The following GPI variants were observed in gnomAD, a reference collection of about 807,000 sequenced individuals.
GPI encodes the protein glucose-6-phosphate isomerase.
Under a neutral mutation model 75.8 loss-of-function variants are expected in GPI, and 56 were observed. The ratio of observed to expected loss-of-function variants is 0.74; its 90% CI spans 0.60 to 0.92. GPI has a LOEUF of 0.92. Among genes scored for constraint, GPI ranks in the 40% least tolerant of loss-of-function variants. The probability of loss-of-function intolerance (pLI) is 0.00; values close to 1 mark genes in which losing one functional copy is unlikely to be tolerated. For missense variants in GPI, 638 were observed against 741.0 expected, an observed-to-expected ratio of 0.86 and a Z score of 1.61; for synonymous variants, 288 against 285.4, an observed-to-expected ratio of 1.01 and a Z score of -0.09.
At chr19:34,360,428 A>G (rs553946312), upstream of GPI, among the ~76,000 whole-genome samples, 1 of 152,268 alleles carries the variant, frequency 6.6e-6, no homozygotes, top group Admixed American at 6.5e-5. Context: ...CTCAGTCTCT[A>G]CAAATAATAA....
At chr19:34,361,161 G>C (rs1367352594), upstream of GPI, among the ~76,000 whole-genome samples, 2 of 151,808 alleles carry the variant, frequency 1.3e-5, no homozygotes, top group African/African-American at 2.4e-5. Flanking sequence ...GCATGATTCA[G>C]CTCACTGTAA....
At chr19:34,376,110 G>A (rs1380445935) in intron 4 of GPI, among the ~76,000 whole-genome samples, 1 of 152,176 alleles carries the variant, frequency 6.6e-6, no homozygotes, top group African/African-American at 2.4e-5. Context: ...GGTGAGTGTG[G>A]CAGGGACCAG....
intron 7 of GPI, 129 bp downstream of exon 7, chr19:34,379,134 G>GC (rs1307051832): frequency 8.4e-5 from 68 of 805,236 alleles, no homozygotes; most frequent in East Asian, 2.5e-5. Flanking sequence ...GCCGGTGCCT[G>GC]CCTTTGCTAG....
At chr19:34,366,271 C>G in intron 1 of GPI, 74 bp from the exon 2 acceptor site, 1 of 964,822 alleles carries the variant, frequency 1.0e-6, no homozygotes, top group Non-Finnish European at 1.7e-6. Flanking sequence ...CTTCTGGGAA[C>G]AGCTCCTGCT....
At chr19:34,383,315 A>G (rs2074683750) in intron 9 of GPI, among the ~76,000 whole-genome samples, 1 of 152,180 alleles carries the variant, frequency 6.6e-6, no homozygotes, top group Non-Finnish European at 1.5e-5. Flanking sequence ...TGTGAATTCC[A>G]GAGGAGAGGC....
rs2074994378 is a variant in GPI, at chr19:34,399,706, G to A, written c.1475-13G>A. The stretch of plus-strand genomic sequence containing the variant: ...TGTGGAGCCCTGATGTGCCCTGTCT[G>A]TCACTTCTGCAGCCATGTATGAGCA... On this transcript the variant is annotated splice_polypyrimidine_tract_variant and intron_variant, in intron 16 of 17. Coordinates refer to ENST00000356487, the MANE Select transcript of GPI (RefSeq NM_000175.5). 3.7e-6 allele frequency: 6 copies of A among 1,614,098 alleles called. No homozygotes were observed. In the South Asian group the frequency reaches 6.6e-5, roughly 18 times the overall value.
chr19:34,365,606 G>A (rs1322308195), intron 1 of GPI: 2 of 788,262 alleles, frequency 2.5e-6, no homozygotes, highest in East Asian at 5.8e-5. Flanking sequence ...TCGGCCCCGG[G>A]TCTGCTTCGT....
intron 8 of GPI, 53 bp from the exon 9 acceptor site, chr19:34,381,413 C>A (rs1305737733): frequency 8.2e-7 from 1 of 1,225,078 alleles, no homozygotes; most frequent in South Asian, 1.2e-5. Context: ...CTGTTCCCAT[C>A]CCGCTAGCAA....
intron 15 of GPI, 91 bp from the exon 16 acceptor site, chr19:34,399,465 C>G: frequency 6.4e-7 from 1 of 1,556,908 alleles, no homozygotes; most frequent in Admixed American, 1.7e-5. Context: ...CACAGACCTG[C>G]ACGTCTCAGC....
Position 34,401,454 on chromosome 19 carries a change from C to T in GPI, c.*1418C>T, listed in dbSNP as rs2075021456. On this transcript the variant is annotated 3_prime_UTR_variant, in exon 18 of 18. Transcript: ENST00000356487. ...GTCAGGATGGTCTCGATCTCCTGAC[C>T]TCGTGATCCGCCCGCCTCAGCCTCC... 6.6e-6 allele frequency: 1 copy of T among 152,302 alleles called. No individual in the cohort carries two copies. Among genetic ancestry groups the T allele is most frequent in the East Asian group, 1.9e-4 (1 of 5,182 alleles). The allele number at this position is 152,302 out of a possible 1,614,324, so 9.4% of individuals were successfully genotyped here.
At position 34,381,549 on chromosome 19, in the gene GPI, A is replaced by T. The variant is rs1478057079; in HGVS notation, c.804+30A>T. The T allele has an allele frequency of 3.3e-6, 5 of 1,501,296 alleles. No individual in the cohort carries two copies. In the East Asian group the frequency reaches 9.0e-5, roughly 27 times the overall value. 93.0% of individuals were successfully genotyped at this position (1,501,296 alleles called of 1,614,324 possible). On this transcript the variant is annotated intron_variant, in intron 9 of 17. Transcript: ENST00000356487. Reference sequence around the variant, plus strand: ...GTACAAGCACTTCTGCACTGGGTGAATTAAGTGTCCTTTGCCAAGTCATGG... The same window carrying T: ...GTACAAGCACTTCTGCACTGGGTGATTTAAGTGTCCTTTGCCAAGTCATGG...
upstream of GPI, among the ~76,000 whole-genome samples, chr19:34,363,806 G>A (rs1006996995): frequency 2.0e-5 from 3 of 152,118 alleles, no homozygotes; most frequent in East Asian, 3.9e-4. Flanking sequence ...GTGACAGAGC[G>A]AGACTCCATC....
upstream of GPI, chr19:34,365,189 G>T (rs1430993463): frequency 1.5e-6 from 2 of 1,326,926 alleles, no homozygotes; most frequent in Non-Finnish European, 1.9e-6. Flanking sequence ...GCGCGCCCAC[G>T]CGCCTCGCTT....
chr19:34,372,451 G>A (rs1321255877), intron 4 of GPI, among the ~76,000 whole-genome samples: 2 of 152,150 alleles, frequency 1.3e-5, no homozygotes, highest in African/African-American at 4.8e-5. Context: ...ATACCAGCCT[G>A]GGCAACATAA....
At chr19:34,381,343 C>T in intron 8 of GPI, 123 bp from the exon 9 acceptor site, 2 of 781,764 alleles carry the variant, frequency 2.6e-6, no homozygotes, top group Non-Finnish European at 2.3e-6. Context: ...TGCCCCATCC[C>T]TGGCTCTGGG....
At chr19:34,364,685 T>A, upstream of GPI, 1 of 370,906 alleles carries the variant, frequency 2.7e-6, no homozygotes, top group East Asian at 4.1e-5. Context: ...GCCTAGTCAC[T>A]TTTTTCTTAA....
chr19:34,389,595 C>T (rs1226563913), intron 9 of GPI, among the ~76,000 whole-genome samples: 2 of 152,158 alleles, frequency 1.3e-5, no homozygotes, highest in Non-Finnish European at 2.9e-5. Flanking sequence ...AGAAGTCACT[C>T]AGATCATTTT....
chr19:34,372,997 C>T (rs540707777), intron 4 of GPI, among the ~76,000 whole-genome samples: 10 of 152,040 alleles, frequency 6.6e-5, no homozygotes, highest in Non-Finnish European at 1.3e-4. Context: ...TGGTCTCGAA[C>T]TCCTGACTTC....
In GPI at chr19:34,393,632, T is replaced by C; in HGVS notation, c.866-96T>C. 3.3e-6 allele frequency: 4 copies of C among 1,219,206 alleles called. No individual in the cohort carries two copies. The highest frequency in any genetic ancestry group is 2.3e-5 in the East Asian group (1 of 43,146). 75.5% of individuals were successfully genotyped at this position (1,219,206 alleles called of 1,614,324 possible). A position where few individuals can be genotyped will look rare whatever the true frequency, so the allele number is the denominator to read the frequency against. ...CCTCCCATGTCGTATCTTCTGGCTC[T>C]CCATGCAGCCTTCCTTCGTTGCAGA... On this transcript the variant is annotated intron_variant, in intron 10 of 17. Transcript: ENST00000356487. The surrounding 1 kb of genome is among the most constrained non-coding windows in gnomAD (Gnocchi z 4.4).
Sources: gnomAD v4.1 joint callset for allele counts (sites outside exome capture counted in the v4.1 genomes callset) on GRCh38, gnomAD v4.1.1 for gene constraint, Gnocchi (gnomAD v3.1) non-coding constraint, MANE v1.5 for transcripts, NCBI Gene and HGNC (gene_info 2026-07-23, HGNC 2026-07-21) for gene names.